EEA1: variants seen among roughly 807,000 people sequenced by gnomAD.
EEA1 encodes the protein early endosome antigen 1, 162kD.
EEA1 carries 111 observed loss-of-function variants against 209.2 expected under a neutral mutation model. The ratio of observed to expected loss-of-function variants is 0.53; its 90% CI spans 0.45 to 0.62. The LOEUF (loss-of-function observed/expected upper bound fraction) is 0.62, where lower values mean the gene tolerates loss of function less well. EEA1 is among the 20% of genes least tolerant of loss of function. The pLI is 0.00. For missense variants in EEA1, 1,343 were observed against 1,530.8 expected, an observed-to-expected ratio of 0.88 and a Z score of 2.05; for synonymous variants, 536 against 540.6, an observed-to-expected ratio of 0.99 and a Z score of 0.12.
chr12:92,867,793 T>C (rs1328781391), intron 2 of EEA1, among the ~76,000 whole-genome samples: 1 of 152,120 alleles, frequency 6.6e-6, no homozygotes, highest in Non-Finnish European at 1.5e-5. Context: ...TTTACAAAAA[T>C]ACATATACAC....
chr12:92,892,821 G>A (rs1240448541), intron 1 of EEA1, among the ~76,000 whole-genome samples: 2 of 151,878 alleles, frequency 1.3e-5, no homozygotes, highest in Non-Finnish European at 2.9e-5. Flanking sequence ...GTGGAAACGG[G>A]GTTTCACCAT....
chr12:92,917,245 G>A (rs371974108), intron 1 of EEA1, among the ~76,000 whole-genome samples: 3 of 126,824 alleles, frequency 2.4e-5, no homozygotes, highest in Admixed American at 7.7e-5. Context: ...TACAGAGAAC[G>A]CCACAAAGAT....
intron 22 of EEA1, among the ~76,000 whole-genome samples, chr12:92,784,153 C>T (rs1834266597): frequency 1.3e-5 from 2 of 152,138 alleles, no homozygotes; most frequent in African/African-American, 4.8e-5. Flanking sequence ...GAGAACACTG[C>T]TAAGACAGAA....
chr12:92,838,003 C>T (rs1877003802), intron 10 of EEA1, among the ~76,000 whole-genome samples: 1 of 152,162 alleles, frequency 6.6e-6, no homozygotes, highest in African/African-American at 2.4e-5. Context: ...CAACTGTGGG[C>T]TTGCACTGAC....
Position 92,802,553 on chromosome 12 carries a change from G to C in EEA1, c.2521C>G (p.Leu841Val). 1 of 1,601,484 alleles carries C rather than the reference G, an allele frequency of 6.2e-7. No homozygotes were observed. Among genetic ancestry groups the C allele is most frequent in the South Asian group, 1.1e-5 (1 of 88,122 alleles). Residue 841 changes from leucine (L) to valine (V), a missense_variant, in exon 19 of 29, where the codon CTA becomes GTA. Leu to Val is a conservative substitution (Grantham distance 32). Around this residue, in one of 3 missense-constraint regions of EEA1, gnomAD observed 1,307 missense variants for 1,465.5 expected, o/e 0.89. Coordinates refer to ENST00000322349, the MANE Select transcript of EEA1 (RefSeq NM_003566.4). ...NNRIQTTVTE[L>V]QKVKMEKEAL... ...TCTTTCTCCATTTTCACTTTTTGTAGTTCTGTTACTGTTGTTTGAATTCTG... is the reference window on the plus strand; with the variant it reads ...TCTTTCTCCATTTTCACTTTTTGTACTTCTGTTACTGTTGTTTGAATTCTG...
chr12:92,799,129 CA>C (rs752314436), intron 20 of EEA1, 43 bp from the exon 21 acceptor site: 1 of 1,486,302 alleles, frequency 6.7e-7, no homozygotes, highest in East Asian at 2.4e-5. Context: ...TTTGTTCATT[CA>C]AAAGACGATG....
At chr12:92,877,141 T>C (rs1404769306) in intron 2 of EEA1, among the ~76,000 whole-genome samples, 7 of 150,114 alleles carry the variant, frequency 4.7e-5, no homozygotes, top group Non-Finnish European at 8.9e-5. Context: ...TTTCTTTTTT[T>C]TTTTTTTTTG....
intron 14 of EEA1, 117 bp downstream of exon 14, chr12:92,819,191 T>C: frequency 1.1e-6 from 1 of 928,108 alleles, no homozygotes; most frequent in Non-Finnish European, 1.5e-6. Flanking sequence ...AAAAAATATA[T>C]AACACTTAAA....
intron 17 of EEA1, among the ~76,000 whole-genome samples, chr12:92,810,339 A>G (rs1875428362): frequency 6.6e-6 from 1 of 152,174 alleles, no homozygotes; most frequent in Non-Finnish European, 1.5e-5. Flanking sequence ...TCAGTTCTAA[A>G]TAACCACTAT....
At chr12:92,869,786 A>T (rs1878557208) in intron 2 of EEA1, among the ~76,000 whole-genome samples, 1 of 140,284 alleles carries the variant, frequency 7.1e-6, no homozygotes, top group Non-Finnish European at 1.6e-5. Flanking sequence ...AAAAAAAAAA[A>T]AAGGAAAGCC....
intron 1 of EEA1, among the ~76,000 whole-genome samples, chr12:92,900,656 GTT>G (rs999477961): frequency 1.4e-5 from 2 of 140,682 alleles, no homozygotes; most frequent in Non-Finnish European, 1.6e-5. Flanking sequence ...TTTTGTAGTT[GTT>G]TTTTTTTTTT....
Position 92,851,175 on chromosome 12 carries a change from T to G in EEA1, c.734A>C (p.Glu245Ala), listed in dbSNP as rs913987756. Residue 245 changes from glutamate (E) to alanine (A), a missense_variant, in exon 9 of 29, where the codon GAG (glutamate) becomes GCG (alanine). Glu to Ala is a moderately radical substitution (Grantham distance 107). Around this residue, in one of 3 missense-constraint regions of EEA1, gnomAD observed 1,307 missense variants for 1,465.5 expected, o/e 0.89. Coordinates refer to ENST00000322349, the MANE Select transcript of EEA1 (RefSeq NM_003566.4). ...ATCTTTGAGTTTTTCAGATTCTCGC[T>G]CACGTTCCAAGGTCATGTTATCCAT... Reference protein sequence around the residue: ...TLMDNMTLERERESEKLKDEC... With the variant: ...TLMDNMTLERARESEKLKDEC... 8 of 1,613,860 alleles carry G rather than the reference T, an allele frequency of 5.0e-6. No individual in the cohort carries two copies. Among genetic ancestry groups the G allele is most frequent in the Non-Finnish European group, 6.8e-6 (8 of 1,179,942 alleles).
chr12:92,874,788 T>C (rs1878805974), intron 2 of EEA1, among the ~76,000 whole-genome samples: 1 of 152,222 alleles, frequency 6.6e-6, no homozygotes, highest in East Asian at 1.9e-4. Context: ...TACCATGCAG[T>C]AGGGTAACTG....
intron 1 of EEA1, among the ~76,000 whole-genome samples, chr12:92,899,787 C>A (rs1465173866): frequency 6.6e-6 from 1 of 152,198 alleles, no homozygotes; most frequent in East Asian, 1.9e-4. Context: ...TTTGTCCTTA[C>A]AATCTTCCTA....
intron 13 of EEA1, 124 bp downstream of exon 13, chr12:92,826,042 C>T (rs1876280267): frequency 9.6e-7 from 1 of 1,042,376 alleles, no homozygotes; most frequent in Non-Finnish European, 1.3e-6. Context: ...GTATTTTGTA[C>T]TTTCTAGTTT....
chr12:92,926,655 T>A (rs1194765283), intron 1 of EEA1, among the ~76,000 whole-genome samples: 1 of 152,182 alleles, frequency 6.6e-6, no homozygotes, highest in African/African-American at 2.4e-5. Context: ...GCCACCACGG[T>A]AGCTTCATCT....
At chr12:92,780,494 T>C in intron 23 of EEA1, 83 bp from the exon 24 acceptor site, 1 of 981,400 alleles carries the variant, frequency 1.0e-6, no homozygotes, top group Non-Finnish European at 1.4e-6. Flanking sequence ...ACTGCTACTA[T>C]TGATGACACT....
At chr12:92,834,911 A>G (rs2136695529) in intron 10 of EEA1, among the ~76,000 whole-genome samples, 1 of 149,784 alleles carries the variant, frequency 6.7e-6, no homozygotes, top group East Asian at 1.9e-4. Context: ...AGACAGTCTC[A>G]CTCTGTCGCC....
chr12:92,857,579 TTA>T, intron 3 of EEA1, 94 bp from the exon 4 acceptor site: 1 of 721,956 alleles, frequency 1.4e-6, no homozygotes, highest in Non-Finnish European at 2.1e-6. Context: ...TATATTAATA[TTA>T]TAGTTTTTTC....
Sources: gnomAD v4.1 joint callset for allele counts (sites outside exome capture counted in the v4.1 genomes callset) on GRCh38, gnomAD v4.1.1 for gene constraint, gnomAD v4.1.1 regional missense constraint, MANE v1.5 for transcripts, NCBI Gene and HGNC (gene_info 2026-07-23, HGNC 2026-07-21) for gene names.